The following ALK variants were observed in gnomAD, a reference collection of about 807,000 sequenced individuals.
The protein encoded by ALK is ALK receptor tyrosine kinase.
A neutral mutation model predicts 163.1 loss-of-function variants in ALK; 74 were observed. The observed-to-expected ratio is 0.45, with a 90% CI of 0.38 to 0.55. The LOEUF is 0.55. ALK is among the 20% of genes least tolerant of loss of function. The pLI is 0.00. For synonymous variants in ALK, 960 were observed against 843.2 expected, an observed-to-expected ratio of 1.14 and a Z score of -2.40; for missense variants, 2,063 against 2,105.3, an observed-to-expected ratio of 0.98 and a Z score of 0.39.
chr2:29,288,945 CCTT>C (rs1665934093), intron 9 of ALK, among the ~76,000 whole-genome samples: 1 of 90,310 alleles, frequency 1.1e-5, no homozygotes, highest in Admixed American at 1.4e-4. Flanking sequence ...GAGGGAGACT[CCTT>C]CTCAAAAAAA....
intron 3 of ALK, among the ~76,000 whole-genome samples, chr2:29,577,472 T>C (rs1483885509): frequency 6.6e-6 from 1 of 152,116 alleles, no homozygotes; most frequent in African/African-American, 2.4e-5. Flanking sequence ...TCTAATTGCC[T>C]TAAATAACAG....
At position 29,398,665 on chromosome 2, in the gene ALK, T is replaced by A. The variant is rs539881001; in HGVS notation, c.1155-14806A>T. 4.6e-5 allele frequency among the ~76,000 whole-genome samples: 7 copies of A among 152,290 alleles called. No individual in the cohort carries two copies. The East Asian group carries it at 1.4e-3, about 29-fold the overall frequency. ...TTTCAGTTGCTCGGCATGTTTCTTA[T>A]GGAGCTGGGCAGGAGAGCAGGACCC... On this transcript the variant is annotated intron_variant, in intron 4 of 28. Transcript: ENST00000389048.
intron 3 of ALK, among the ~76,000 whole-genome samples, chr2:29,640,204 A>G (rs1676662789): frequency 6.6e-6 from 1 of 152,152 alleles, no homozygotes; most frequent in Non-Finnish European, 1.5e-5. Context: ...TTAAGCATTT[A>G]CTATGTGCCG....
At chr2:29,873,331 G>A (rs1418015295) in intron 1 of ALK, among the ~76,000 whole-genome samples, 1 of 152,170 alleles carries the variant, frequency 6.6e-6, no homozygotes, top group African/African-American at 2.4e-5. Flanking sequence ...GGGGGTGGAG[G>A]AAGCGGCTGC....
At chr2:29,822,497 C>T (rs1349122956) in intron 1 of ALK, among the ~76,000 whole-genome samples, 1 of 152,196 alleles carries the variant, frequency 6.6e-6, no homozygotes, top group African/African-American at 2.4e-5. Context: ...TGGTTTTTGG[C>T]TCCTGGGCTG....
chr2:29,844,847 G>A (rs1191562017), intron 1 of ALK, among the ~76,000 whole-genome samples: 1 of 129,804 alleles, frequency 7.7e-6, no homozygotes, highest in Non-Finnish European at 1.6e-5. Context: ...CCTTCACCCT[G>A]ATAACCCCCC....
chr2:29,798,804 A>T (rs761433421), intron 1 of ALK, among the ~76,000 whole-genome samples: 2 of 152,234 alleles, frequency 1.3e-5, no homozygotes, highest in African/African-American at 2.4e-5. Flanking sequence ...CCTAGAGAGA[A>T]GGACTCTGAC....
chr2:29,205,773 A>G (rs1386314421), intron 26 of ALK, among the ~76,000 whole-genome samples: 3 of 151,966 alleles, frequency 2.0e-5, no homozygotes, highest in South Asian at 2.1e-4. Context: ...GCCCCACTCT[A>G]GTATCCTCAA....
chr2:29,290,297 G>C (rs1665986649), intron 9 of ALK, among the ~76,000 whole-genome samples: 1 of 152,212 alleles, frequency 6.6e-6, no homozygotes, highest in South Asian at 2.1e-4. Context: ...TGTTGTGAAG[G>C]AGCCAAGCAC....
At chr2:29,642,889 T>C (rs1018842750) in intron 3 of ALK, among the ~76,000 whole-genome samples, 1 of 152,186 alleles carries the variant, frequency 6.6e-6, no homozygotes, top group African/African-American at 2.4e-5. Context: ...CATTTAGTCA[T>C]TTATTCCACC....
intron 1 of ALK, among the ~76,000 whole-genome samples, chr2:29,789,563 A>G (rs1664135544): frequency 6.6e-6 from 1 of 152,208 alleles, no homozygotes; most frequent in African/African-American, 2.4e-5. Flanking sequence ...CCTGTATGAA[A>G]GATGCCAGCC....
chr2:29,403,710 A>C (rs1222830231), intron 4 of ALK, among the ~76,000 whole-genome samples: 78 of 4,338 alleles, frequency 0.018, no homozygotes, highest in South Asian at 0.043. Flanking sequence ...AGGTCTCTAC[A>C]AAAAAAAAAA....
intron 1 of ALK, among the ~76,000 whole-genome samples, chr2:29,901,747 T>C (rs1004884560): frequency 6.6e-6 from 1 of 152,226 alleles, no homozygotes; most frequent in Non-Finnish European, 1.5e-5. Context: ...CCCTGTGATC[T>C]ATGAAGGATT....
chr2:29,811,213 G>GGA (rs1387757635), intron 1 of ALK, among the ~76,000 whole-genome samples: 1 of 126,494 alleles, frequency 7.9e-6, no homozygotes, highest in Non-Finnish European at 1.7e-5. Flanking sequence ...ACGTGAAGCG[G>GGA]GAGAGAAGGC....
intron 4 of ALK, among the ~76,000 whole-genome samples, chr2:29,412,225 C>G (rs1040086266): frequency 4.6e-5 from 7 of 152,174 alleles, no homozygotes; most frequent in Non-Finnish European, 1.5e-5. Flanking sequence ...CAATAGTGAA[C>G]AAAATCTTGA....
chr2:29,605,028 AG>A (rs1675501582), intron 3 of ALK, among the ~76,000 whole-genome samples: 1 of 152,232 alleles, frequency 6.6e-6, no homozygotes, highest in African/African-American at 2.4e-5. Context: ...ACTATGTGAA[AG>A]CAATAATCTA....
chr2:29,646,435 G>A lies in ALK; in HGVS notation c.952+48415C>T, dbSNP rs1050712822. ...TAGTCTCAACTTGACAGCTGAAGGG[G>A]TCCTTTTAAAACTTGCATTAGAACA... On this transcript the variant is annotated intron_variant, in intron 3 of 28. Transcript: ENST00000389048. Among the ~76,000 whole-genome samples, 9 of 152,232 alleles carry A rather than the reference G, an allele frequency of 5.9e-5. No homozygotes were observed. In the East Asian group the frequency reaches 1.7e-3, roughly 29 times the overall value.
At chr2:29,426,952 C>T (rs982797481) in intron 4 of ALK, among the ~76,000 whole-genome samples, 6 of 140,304 alleles carry the variant, frequency 4.3e-5, no homozygotes, top group South Asian at 2.4e-4. Flanking sequence ...GCAGGAGAAT[C>T]GCTTAAACCC....
At chr2:29,239,557 CTT>C in intron 13 of ALK, 121 bp downstream of exon 13, 1 of 1,247,294 alleles carries the variant, frequency 8.0e-7, no homozygotes. Context: ...TTTAATTACT[CTT>C]TGCTGTCTCA....
Sources: allele counts gnomAD v4.1 joint callset (sites outside exome capture counted in the v4.1 genomes callset), GRCh38; gene constraint gnomAD v4.1.1; transcripts MANE v1.5; gene names NCBI Gene and HGNC (gene_info 2026-07-23, HGNC 2026-07-21).